The following NUCB2 variants were observed in gnomAD, a reference collection of about 807,000 sequenced individuals.
NUCB2 encodes nucleobindin 2, also known as nucleobindin-2.
Under a neutral mutation model 57.9 loss-of-function variants are expected in NUCB2, and 48 were observed. That is an observed-to-expected ratio of 0.83 (90% CI 0.66 to 1.05). The LOEUF (loss-of-function observed/expected upper bound fraction) is 1.05, where lower values mean the gene tolerates loss of function less well. NUCB2 is among the 50% of genes least tolerant of loss of function. The probability of loss-of-function intolerance (pLI) is 0.00; values close to 1 mark genes in which losing one functional copy is unlikely to be tolerated. For synonymous variants in NUCB2, 139 were observed against 152.1 expected (o/e 0.91, Z 0.64); for missense variants, 442 against 476.2 (o/e 0.93, Z 0.67).
intron 2 of NUCB2, among the ~76,000 whole-genome samples, chr11:17,339,742 C>G (rs1297957174): frequency 6.6e-6 from 1 of 151,984 alleles, no homozygotes; most frequent in Non-Finnish European, 1.5e-5. Flanking sequence ...TTTCTTAATC[C>G]AGTCTATCAT....
chr11:17,348,317 GTGTTTTTTTTTTTTTTTT>G (rs1232947747), intron 2 of NUCB2, among the ~76,000 whole-genome samples: 1 of 55,704 alleles, frequency 1.8e-5, no homozygotes, highest in African/African-American at 9.5e-5. Flanking sequence ...GTTTGTTTTT[GTGTTTTTTTTTTTTTTTT>G]TTTTTTTTTT....
Position 17,312,095 on chromosome 11 carries a change from G to T in NUCB2, c.887G>T (p.Arg296Ile). The change falls in exon 10 of 14, where the codon AGA becomes ATA. Residue 296 changes from arginine to isoleucine, a missense_variant. Physicochemically the swap from Arg to Ile is moderately conservative, Grantham distance 97 (BLOSUM62 -3). Coordinates refer to ENST00000529010, the MANE Select transcript of NUCB2 (RefSeq NM_005013.4). ...GTAGAAATGGAAGAAGAAAGGCTTA[G>T]AATGAGGGAACATGTAATGAATGAG... The part of the protein sequence containing the change: ...DMVEMEEERL[R>I]MREHVMNEVD... 1 of 1,558,440 alleles carries T rather than the reference G, an allele frequency of 6.4e-7. No individual in the cohort carries two copies. The highest frequency in any genetic ancestry group is 1.2e-5 in the South Asian group (1 of 86,230).
chr11:17,346,330 A>T lies in NUCB2; in HGVS notation n.2627-3015A>T, dbSNP rs562823870. ...CAAAAAATACTGGTACCTGGGTCCC[A>T]TCTCCAGGTGATTCTAATATGCAGA... On this transcript the variant is annotated intron_variant and non_coding_transcript_variant, in intron 2 of 2. Transcript: ENST00000532240. 5.3e-5 allele frequency among the ~76,000 whole-genome samples: 8 copies of T among 152,302 alleles called. No homozygotes were observed. In the South Asian group the frequency reaches 1.7e-3, roughly 32 times the overall value.
chr11:17,315,168 A>T (rs1026883246), intron 10 of NUCB2, among the ~76,000 whole-genome samples: 6 of 152,136 alleles, frequency 3.9e-5, no homozygotes, highest in Admixed American at 1.3e-4. Flanking sequence ...CATATTTTCC[A>T]ATTTGAATTA....
At chr11:17,344,211 C>T (rs1268160063) in intron 2 of NUCB2, among the ~76,000 whole-genome samples, 1 of 152,070 alleles carries the variant, frequency 6.6e-6, no homozygotes, top group African/African-American at 2.4e-5. Context: ...TTTTTGTATC[C>T]TCCTTAAATA....
At chr11:17,337,134 T>A (rs1334973688), downstream of NUCB2, among the ~76,000 whole-genome samples, 1 of 151,992 alleles carries the variant, frequency 6.6e-6, no homozygotes, top group Non-Finnish European at 1.5e-5. Flanking sequence ...AGAGATGGGG[T>A]CTTGCTATGT....
chr11:17,310,278 G>A (rs1948289836), intron 6 of NUCB2, among the ~76,000 whole-genome samples: 1 of 151,714 alleles, frequency 6.6e-6, no homozygotes, highest in Non-Finnish European at 1.5e-5. Flanking sequence ...TTGCTTATGA[G>A]GAGTTTCCTA....
chr11:17,306,787 A>G lies in NUCB2; in HGVS notation c.380-2785A>G, dbSNP rs538149545. On this transcript the variant is annotated intron_variant, in intron 5 of 13. Coordinates refer to ENST00000529010, the MANE Select transcript of NUCB2 (RefSeq NM_005013.4). ...CAAAAAAATAGCCAGATGTGGTGGC[A>G]TGTGCTGCTAGCTACTTGGGAGGCT... is the stretch of plus-strand genomic sequence containing the variant. Among the ~76,000 whole-genome samples, 22 of 152,084 alleles carry G rather than the reference A, an allele frequency of 1.4e-4. No homozygotes were observed. The South Asian group carries it at 1.9e-3, about 13-fold the overall frequency.
At position 17,326,311 on chromosome 11, in the gene NUCB2, G is replaced by GTTTT. The variant is rs60955119; in HGVS notation, c.1003-3796_1003-3793dup. ...CTCTGTGCCTGGCCTCATTGTTACC[G>GTTTT]TTTTTTTTTTTTTTTTTTTTTTTGA... On this transcript the variant is annotated intron_variant, in intron 11 of 13. Coordinates refer to ENST00000529010, the MANE Select transcript of NUCB2 (RefSeq NM_005013.4). 9.3e-4 allele frequency among the ~76,000 whole-genome samples: 66 copies of GTTTT among 71,280 alleles called. 1 individual carries two copies. Among genetic ancestry groups the GTTTT allele is most frequent in the South Asian group, 1.4e-3 (2 of 1,470 alleles). The allele number at this position is 71,280 out of a possible 152,430, so 46.8% of individuals were successfully genotyped here.
intron 2 of NUCB2, among the ~76,000 whole-genome samples, chr11:17,342,723 T>G (rs1289901028): frequency 1.3e-5 from 2 of 149,742 alleles, no homozygotes; most frequent in Non-Finnish European, 3.0e-5. Context: ...GAGGAGAGCT[T>G]TACTTCCAAG....
chr11:17,309,880 C>T (rs1356564323), intron 6 of NUCB2, among the ~76,000 whole-genome samples: 1 of 152,136 alleles, frequency 6.6e-6, no homozygotes, highest in African/African-American at 2.4e-5. Context: ...AATCCAAAAG[C>T]TGTAAAAACT....
intron 4 of NUCB2, among the ~76,000 whole-genome samples, chr11:17,298,663 A>G (rs1946226379): frequency 6.6e-6 from 1 of 152,132 alleles, no homozygotes; most frequent in African/African-American, 2.4e-5. Context: ...TGTTTCATAA[A>G]AAACTGACAA....
At chr11:17,317,665 T>C (rs1240505148) in intron 11 of NUCB2, 2 of 281,378 alleles carry the variant, frequency 7.1e-6, no homozygotes, top group African/African-American at 2.2e-5. Flanking sequence ...AGATGCTCAG[T>C]GTATCCTATT....
At chr11:17,284,921 G>A (rs996658785) in intron 2 of NUCB2, among the ~76,000 whole-genome samples, 2 of 151,986 alleles carry the variant, frequency 1.3e-5, no homozygotes, top group Non-Finnish European at 2.9e-5. Flanking sequence ...TGTCGATCTC[G>A]CTTACCTTTG....
chr11:17,288,545 TC>T (rs1944193058), intron 2 of NUCB2, among the ~76,000 whole-genome samples: 1 of 124,498 alleles, frequency 8.0e-6, no homozygotes, highest in African/African-American at 3.4e-5. Context: ...TTCTTCTTCT[TC>T]TTCTTCTTTT....
intron 11 of NUCB2, among the ~76,000 whole-genome samples, chr11:17,325,206 TC>T (rs1950526097): frequency 6.6e-6 from 1 of 152,220 alleles, no homozygotes; most frequent in Admixed American, 6.5e-5. Context: ...ATCCATTTGA[TC>T]TATAGTGTAG....
chr11:17,343,136 C>A (rs2139643004), intron 2 of NUCB2, among the ~76,000 whole-genome samples: 1 of 151,664 alleles, frequency 6.6e-6, no homozygotes, highest in South Asian at 2.1e-4. Context: ...GGATTGCAAC[C>A]CCTGCCTTTT....
chr11:17,284,621 T>C (rs1943303638), intron 2 of NUCB2, among the ~76,000 whole-genome samples: 1 of 152,242 alleles, frequency 6.6e-6, no homozygotes, highest in Non-Finnish European at 1.5e-5. Context: ...CTTTTGCTGC[T>C]AGTATTGCAG....
chr11:17,309,712 C>G, intron 6 of NUCB2, 37 bp downstream of exon 6: 1 of 1,294,970 alleles, frequency 7.7e-7, no homozygotes, highest in Non-Finnish European at 1.1e-6. Flanking sequence ...CTTTATTGTG[C>G]CTTTGAGGTT....
Sources: allele counts gnomAD v4.1 joint callset (sites outside exome capture counted in the v4.1 genomes callset), GRCh38; gene constraint gnomAD v4.1.1; transcripts MANE v1.5; gene names NCBI Gene and HGNC (gene_info 2026-07-23, HGNC 2026-07-21).